DMD: variants seen among roughly 807,000 people sequenced by gnomAD.
The protein encoded by DMD is mutant dystrophin.
A neutral mutation model predicts 330.1 loss-of-function variants in DMD; 63 were observed. That is an observed-to-expected ratio of 0.19 (90% CI 0.16 to 0.24). The LOEUF (loss-of-function observed/expected upper bound fraction) is 0.24. DMD is among the 10% of genes least tolerant of loss of function. The pLI is 1.00. For synonymous variants in DMD, 1,223 were observed against 959.8 expected, an observed-to-expected ratio of 1.27 and a Z score of -5.07; for missense variants, 3,344 against 2,684.1, an observed-to-expected ratio of 1.25 and a Z score of -5.43.
intron 44 of DMD, among the ~76,000 whole-genome samples, chrX:32,042,186 CAT>C (rs1258017567): frequency 1.0e-4 from 4 of 38,099 alleles, no homozygotes; most frequent in African/African-American, 5.0e-4. Flanking sequence ...TATATACATA[CAT>C]ATACACACAC....
At chrX:31,354,052 T>C (rs1241069808) in intron 60 of DMD, among the ~76,000 whole-genome samples, 1 of 112,052 alleles carries the variant, frequency 8.9e-6, no homozygotes, top group Non-Finnish European at 1.9e-5. Context: ...TCTTCAGAAC[T>C]ATCCCAGATG....
At chrX:32,617,455 C>G (rs773386765) in intron 11 of DMD, among the ~76,000 whole-genome samples, 1 of 111,129 alleles carries the variant, frequency 9.0e-6, no homozygotes, top group East Asian at 2.8e-4. Context: ...AAGAACACAC[C>G]GTGAGGACAG....
intron 47 of DMD, among the ~76,000 whole-genome samples, chrX:31,920,942 C>G (rs1393704760): frequency 8.9e-6 from 1 of 112,117 alleles, no homozygotes; most frequent in Non-Finnish European, 1.9e-5. Context: ...ACAATTTATG[C>G]TGGATTTTTG....
At chrX:32,404,307 T>C (rs2098104733) in intron 30 of DMD, among the ~76,000 whole-genome samples, 2 of 111,717 alleles carry the variant, frequency 1.8e-5, no homozygotes, top group Non-Finnish European at 3.8e-5. Flanking sequence ...GTCTGGTCTG[T>C]AGTGGACTCT....
At chrX:32,540,271 T>A (rs1434622379) in intron 17 of DMD, among the ~76,000 whole-genome samples, 1 of 111,408 alleles carries the variant, frequency 9.0e-6, no homozygotes, top group Non-Finnish European at 1.9e-5. Flanking sequence ...AATAATTATC[T>A]TGTGACCCAA....
chrX:32,110,677 G>A (rs2096585461), intron 44 of DMD, among the ~76,000 whole-genome samples: 1 of 110,796 alleles, frequency 9.0e-6, no homozygotes, highest in Admixed American at 9.6e-5. Context: ...GCTACACTAG[G>A]GGGAAAAAAA....
chrX:31,192,485 A>G (rs1194083297), intron 67 of DMD, among the ~76,000 whole-genome samples: 1 of 112,099 alleles, frequency 8.9e-6, no homozygotes. Context: ...GCCACACTCT[A>G]TGTACAAGAC....
At chrX:32,648,428 T>TTA (rs1424839976) in intron 9 of DMD, among the ~76,000 whole-genome samples, 8 of 111,981 alleles carry the variant, frequency 7.1e-5, no homozygotes, top group Admixed American at 3.8e-4. Flanking sequence ...TAAAATCATG[T>TTA]TAGTAGGTTA....
At chrX:33,080,596 C>G (rs1050222708) in intron 1 of DMD, among the ~76,000 whole-genome samples, 3 of 111,361 alleles carry the variant, frequency 2.7e-5, no homozygotes, top group Non-Finnish European at 5.6e-5. Context: ...AGGGATGGAG[C>G]CTAGGACATC....
intron 25 of DMD, 70 bp downstream of exon 25, chrX:32,463,369 T>A: frequency 9.7e-7 from 1 of 1,033,712 alleles, no homozygotes; most frequent in Non-Finnish European, 1.3e-6. Flanking sequence ...AAAGTAACGG[T>A]GAAGGGAGAC....
chrX:32,828,451 T>TAC (rs566508820), intron 4 of DMD, among the ~76,000 whole-genome samples: 5,652 of 105,005 alleles, frequency 0.054, 198 homozygotes, highest in African/African-American at 0.13. Flanking sequence ...AGTGTGTGTA[T>TAC]ACACACACAC....
chrX:32,501,471 A>C (rs766258133), intron 19 of DMD, among the ~76,000 whole-genome samples: 33 of 111,791 alleles, frequency 3.0e-4, no homozygotes, highest in African/African-American at 8.7e-4. Flanking sequence ...TATTTTCTTA[A>C]ATTATTTGGA....
chrX:31,287,002 C>T (rs1244191653), intron 62 of DMD, among the ~76,000 whole-genome samples: 10 of 112,410 alleles, frequency 8.9e-5, no homozygotes, highest in Admixed American at 5.6e-4. Flanking sequence ...TGGGATTAAG[C>T]GATCTGCCCT....
At chrX:31,695,596 A>G (rs1391885701) in intron 52 of DMD, among the ~76,000 whole-genome samples, 2 of 110,616 alleles carry the variant, frequency 1.8e-5, no homozygotes, top group Non-Finnish European at 3.8e-5. Context: ...AATTTTAAAA[A>G]CCTAGGAAAT....
intron 44 of DMD, among the ~76,000 whole-genome samples, chrX:32,093,005 T>C (rs1008834873): frequency 1.8e-5 from 2 of 111,270 alleles, no homozygotes; most frequent in African/African-American, 6.5e-5. Flanking sequence ...CCTTATATAC[T>C]GTACTATCAC....
At chrX:31,574,304 C>G (rs1426917382) in intron 55 of DMD, among the ~76,000 whole-genome samples, 2 of 108,433 alleles carry the variant, frequency 1.8e-5, no homozygotes, top group African/African-American at 6.7e-5. Context: ...CCACAACACC[C>G]GGCTGATTTT....
intron 12 of DMD, among the ~76,000 whole-genome samples, chrX:32,603,212 G>T (rs1423737678): frequency 1.8e-5 from 2 of 111,085 alleles, no homozygotes; most frequent in Admixed American, 1.9e-4. Flanking sequence ...GTACCAAGAA[G>T]ACTCCTTAAA....
In DMD at chrX:32,645,062, C is replaced by G; in HGVS notation, c.1051G>C (p.Val351Leu). Reference sequence around the variant, plus strand: ...TCAGCAGAAAGAAGCCACGATAATACTTCTTCTAAAGCTGTTTGATAACGG... The same window carrying G: ...TCAGCAGAAAGAAGCCACGATAATAGTTCTTCTAAAGCTGTTTGATAACGG... ...LDRYQTALEE[V>L]LSWLLSAEDT... The change falls in exon 10 of 79, where the codon GTA (valine) becomes CTA (leucine). Residue 351 changes from valine to leucine, a missense_variant. Val to Leu is a conservative substitution (Grantham distance 32). Coordinates refer to ENST00000357033, the MANE Select transcript of DMD (RefSeq NM_004006.3). 1 of 1,211,682 alleles carries G rather than the reference C, an allele frequency of 8.3e-7. No homozygotes were observed. The highest frequency in any genetic ancestry group is 1.1e-6 in the Non-Finnish European group (1 of 895,449).
chrX:31,274,064 T>C (rs991761514), intron 62 of DMD, among the ~76,000 whole-genome samples: 2 of 112,216 alleles, frequency 1.8e-5, no homozygotes, highest in African/African-American at 6.5e-5. Flanking sequence ...ATAAATTCAC[T>C]TTAACATTCT....
Sources: gnomAD v4.1 joint callset for allele counts (sites outside exome capture counted in the v4.1 genomes callset) on GRCh38, gnomAD v4.1.1 for gene constraint, MANE v1.5 for transcripts, NCBI Gene and HGNC (gene_info 2026-07-23, HGNC 2026-07-21) for gene names.